TENM2: variants seen among roughly 807,000 people sequenced by gnomAD.
TENM2 encodes the protein teneurin-2.
TENM2 carries 52 observed loss-of-function variants against 245.2 expected under a neutral mutation model. That is an observed-to-expected ratio of 0.21 (90% CI 0.17 to 0.27). The LOEUF is 0.27. Ranked by LOEUF, TENM2 falls within the 10% of genes least tolerant of loss-of-function variation. The pLI is 1.00. For synonymous variants in TENM2, 1,363 were observed against 1,438.9 expected, an observed-to-expected ratio of 0.95 and a Z score of 1.19; for missense variants, 3,046 against 3,666.8, an observed-to-expected ratio of 0.83 and a Z score of 4.37.
intron 7 of TENM2, among the ~76,000 whole-genome samples, chr5:168,081,598 C>T (rs1392802833): frequency 6.6e-6 from 1 of 152,176 alleles, no homozygotes; most frequent in African/African-American, 2.4e-5. Flanking sequence ...TTAGTGCTTC[C>T]TTCAGGAGCT....
At chr5:167,926,845 T>A (rs1403566707) in intron 3 of TENM2, among the ~76,000 whole-genome samples, 1 of 152,108 alleles carries the variant, frequency 6.6e-6, no homozygotes, top group Admixed American at 6.6e-5. Context: ...TACTATGATA[T>A]CATTTTATAA....
chr5:167,594,280 A>G lies in TENM2; in HGVS notation c.502+218807A>G, dbSNP rs569226050. Among the ~76,000 whole-genome samples, 5 of 152,338 alleles carry G rather than the reference A, an allele frequency of 3.3e-5. No homozygotes were observed. The South Asian group carries it at 1.0e-3, about 32-fold the overall frequency. On this transcript the variant is annotated intron_variant, in intron 2 of 28. Coordinates refer to ENST00000518659, the Ensembl canonical transcript of TENM2. The stretch of plus-strand genomic sequence containing the variant: ...CATAGAAGTTGTATTCCCCATTGAT[A>G]GATAACATCAGACTTTGCACCTAAA...
intron 2 of TENM2, among the ~76,000 whole-genome samples, chr5:167,811,455 G>T (rs1006711342): frequency 3.9e-5 from 6 of 152,120 alleles, no homozygotes; most frequent in African/African-American, 7.2e-5. Flanking sequence ...ATAAGTAAAA[G>T]CTCCCTGAGG....
At chr5:167,733,328 T>C (rs1760570421) in intron 2 of TENM2, among the ~76,000 whole-genome samples, 1 of 152,220 alleles carries the variant, frequency 6.6e-6, no homozygotes, top group African/African-American at 2.4e-5. Flanking sequence ...ACTGAGGGCC[T>C]GAGTGTGGAT....
At chr5:167,446,909 A>G (rs1420282823) in intron 2 of TENM2, among the ~76,000 whole-genome samples, 1 of 152,004 alleles carries the variant, frequency 6.6e-6, no homozygotes, top group Non-Finnish European at 1.5e-5. Flanking sequence ...GAAGTTTTTC[A>G]GATTTTTTAT....
In TENM2 at chr5:167,842,091, G is replaced by A. The variant is rs114113073; in HGVS notation, c.503-33895G>A. Among the ~76,000 whole-genome samples the A allele has an allele frequency of 2.9e-3, 434 of 151,860 alleles. 1 individual carries two copies. The highest frequency in any genetic ancestry group is 0.01 in the African/African-American group (415 of 41,382). On this transcript the variant is annotated intron_variant, in intron 2 of 28. Transcript: ENST00000518659. ...CACATCTCATAACCATAGCCCTAAG[G>A]CTCACTGCTCTTACTGCCCAGACAT... is the stretch of plus-strand genomic sequence containing the variant.
At position 167,943,693 on chromosome 5, in the gene TENM2, T is replaced by C. The variant is rs143620317; in HGVS notation, c.713-8895T>C. On this transcript the variant is annotated intron_variant, in intron 3 of 28. Transcript: ENST00000518659. ...AATGCTGCTCACATAACAGAAAGAG[T>C]ATTTTCTGCTACAGCACAACAATCA... Among the ~76,000 whole-genome samples the C allele has an allele frequency of 2.9e-3, 441 of 152,070 alleles. 4 individuals carry two copies. Among genetic ancestry groups the C allele is most frequent in the African/African-American group, 0.01 (420 of 41,470 alleles).
At chr5:168,144,522 A>G (rs1755866558) in intron 12 of TENM2, among the ~76,000 whole-genome samples, 1 of 151,880 alleles carries the variant, frequency 6.6e-6, no homozygotes, top group Non-Finnish European at 1.5e-5. Flanking sequence ...ATCATTTTTT[A>G]TGGCTGCATA....
chr5:167,661,608 G>A (rs958687015), intron 2 of TENM2, among the ~76,000 whole-genome samples: 17 of 152,070 alleles, frequency 1.1e-4, no homozygotes, highest in Non-Finnish European at 1.6e-4. Context: ...TTGATGGGCT[G>A]GTCTAAACCC....
At chr5:168,206,775 G>C (rs1762383014) in intron 19 of TENM2, among the ~76,000 whole-genome samples, 1 of 152,150 alleles carries the variant, frequency 6.6e-6, no homozygotes, top group Non-Finnish European at 1.5e-5. Flanking sequence ...AGAAGACAGG[G>C]TAGGGTGGAG....
chr5:167,030,109 T>G, the TENM2 span, among the ~76,000 whole-genome samples: 1 of 152,212 alleles, frequency 6.6e-6, no homozygotes, highest in Non-Finnish European at 1.5e-5. Context: ...GTCCTCATCC[T>G]CTATTCAATG....
At chr5:167,101,849 T>TTATATATATATATTTATATATATATATA in the TENM2 span, among the ~76,000 whole-genome samples, 9 of 69,434 alleles carry the variant, frequency 1.3e-4, no homozygotes, top group African/African-American at 5.0e-4. Context: ...ATATATATAT[T>TTATATATATATATTTATATATATATATA]TATATATATA....
At chr5:167,309,304 T>G (rs1420301494) in intron 1 of TENM2, among the ~76,000 whole-genome samples, 1 of 152,122 alleles carries the variant, frequency 6.6e-6, no homozygotes, top group Non-Finnish European at 1.5e-5. Context: ...ATTCTCTACT[T>G]TACTATGATG....
At chr5:167,828,901 G>A (rs184100637) in intron 2 of TENM2, among the ~76,000 whole-genome samples, 3 of 152,316 alleles carry the variant, frequency 2.0e-5, no homozygotes, top group Admixed American at 2.0e-4. Context: ...ACAGGCTCAA[G>A]GTGTGGAGCT....
At chr5:167,435,797 A>G (rs1764516349) in intron 2 of TENM2, among the ~76,000 whole-genome samples, 1 of 151,992 alleles carries the variant, frequency 6.6e-6, no homozygotes, top group African/African-American at 2.4e-5. Flanking sequence ...ATCCAGGCTG[A>G]GGTGGTCTCA....
At chr5:167,236,992 T>G in the TENM2 span, among the ~76,000 whole-genome samples, 33,192 of 151,878 alleles carry the variant, frequency 0.22, 4,242 homozygotes, top group African/African-American at 0.36. Context: ...CTATATTTAT[T>G]GTCAGAAACA....
chr5:167,411,050 A>G (rs530999801), intron 2 of TENM2, among the ~76,000 whole-genome samples: 3 of 152,212 alleles, frequency 2.0e-5, no homozygotes, highest in Non-Finnish European at 2.9e-5. Flanking sequence ...TATTTGGTCA[A>G]CTTAGAAACA....
the TENM2 span, among the ~76,000 whole-genome samples, chr5:166,995,152 AAAC>A: frequency 8.5e-5 from 13 of 152,184 alleles, no homozygotes; most frequent in African/African-American, 3.1e-4. Flanking sequence ...TGAGTAGAAG[AAAC>A]ATGTATTTCT....
chr5:167,666,991 C>T (rs1451577841), intron 2 of TENM2, among the ~76,000 whole-genome samples: 1 of 152,144 alleles, frequency 6.6e-6, no homozygotes, highest in African/African-American at 2.4e-5. Context: ...CCTAGGCAAA[C>T]TTTATGAGTT....
Sources: gnomAD v4.1 joint callset for allele counts (sites outside exome capture counted in the v4.1 genomes callset) on GRCh38, gnomAD v4.1.1 for gene constraint, MANE v1.5 for transcripts, NCBI Gene and HGNC (gene_info 2026-07-23, HGNC 2026-07-21) for gene names.